PKN2: variants seen among roughly 807,000 people sequenced by gnomAD.
PKN2 encodes protein kinase N2.
A neutral mutation model predicts 119.1 loss-of-function variants in PKN2; 38 were observed. The observed-to-expected ratio is 0.32, with a 90% confidence interval of 0.25 to 0.42. The LOEUF is 0.42. Among genes scored for constraint, PKN2 ranks in the 10% least tolerant of loss-of-function variants. The probability of loss-of-function intolerance (pLI) is 1.00; values close to 1 mark genes in which losing one functional copy is unlikely to be tolerated. For synonymous variants in PKN2, 390 were observed against 384.9 expected, an observed-to-expected ratio of 1.01 and a Z score of -0.15; for missense variants, 850 against 1,165.1, an observed-to-expected ratio of 0.73 and a Z score of 3.94.
chr1:88,834,972 T>C lies in PKN2; in HGVS notation c.*1524T>C, dbSNP rs1410628142. The C allele has an allele frequency of 6.6e-6, 1 of 152,480 alleles. No homozygotes were observed. Among genetic ancestry groups the C allele is most frequent in the Non-Finnish European group, 1.5e-5 (1 of 67,932 alleles). 9.4% of individuals were successfully genotyped at this position (152,480 alleles called of 1,614,324 possible). A position where few individuals can be genotyped will look rare whatever the true frequency, so the allele number is the denominator to read the frequency against. ...TAAGTAACCATACTGAATTAACTAT[T>C]TAATTACAGTGAGCTCATCTCTTAA... On this transcript the variant is annotated 3_prime_UTR_variant, in exon 22 of 22. Coordinates refer to ENST00000370521, the MANE Select transcript of PKN2 (RefSeq NM_006256.4).
chr1:88,831,191 G>T (rs11800421), intron 19 of PKN2, among the ~76,000 whole-genome samples: 16,915 of 151,734 alleles, frequency 0.11, 1,954 homozygotes, highest in African/African-American at 0.3. Flanking sequence ...TAAATGTGCT[G>T]AAAACACATT....
intron 8 of PKN2, among the ~76,000 whole-genome samples, chr1:88,797,760 G>C (rs1671149450): frequency 6.6e-6 from 1 of 151,962 alleles, no homozygotes; most frequent in South Asian, 2.1e-4. Context: ...CTACAACATA[G>C]TGTAGACATT....
intron 3 of PKN2, among the ~76,000 whole-genome samples, chr1:88,763,426 G>A (rs1187499425): frequency 1.3e-5 from 2 of 152,032 alleles, no homozygotes; most frequent in African/African-American, 2.4e-5. Context: ...TGACCAACAT[G>A]GAGAAATCCT....
intron 17 of PKN2, among the ~76,000 whole-genome samples, chr1:88,822,515 G>C (rs981453733): frequency 6.6e-6 from 1 of 151,796 alleles, no homozygotes; most frequent in African/African-American, 2.4e-5. Context: ...TCACTGCCCA[G>C]GACCAAGCAG....
rs59613754 is a variant in PKN2, at chr1:88,700,949, T to C, written c.48+16321T>C. Among the ~76,000 whole-genome samples, 653 of 152,304 alleles carry C rather than the reference T, an allele frequency of 4.3e-3. 2 individuals carry two copies. The highest frequency in any genetic ancestry group is 0.015 in the African/African-American group (615 of 41,554). ...TATTTATGAGGGAGCAGAACTGCAG[T>C]ATATCATTTTTCCCTTGGTAGGTAC... is the stretch of plus-strand genomic sequence containing the variant. On this transcript the variant is annotated intron_variant, in intron 1 of 21. Coordinates refer to ENST00000370521, the MANE Select transcript of PKN2 (RefSeq NM_006256.4).
chr1:88,754,460 T>A (rs1669125816), intron 2 of PKN2, among the ~76,000 whole-genome samples: 1 of 152,214 alleles, frequency 6.6e-6, no homozygotes, highest in South Asian at 2.1e-4. Flanking sequence ...GGGACGAAAG[T>A]ATACTTTGAA....
At chr1:88,758,038 C>CAAAAAAAAAAAAAAAAAAAAAAAAAAAA (rs33914457) in intron 2 of PKN2, among the ~76,000 whole-genome samples, 1 of 59,070 alleles carries the variant, frequency 1.7e-5, no homozygotes, top group Non-Finnish European at 3.0e-5. Context: ...GAGACTATCT[C>CAAAAAAAAAAAAAAAAAAAAAAAAAAAA]AAAAAAAAAA....
At chr1:88,746,767 A>C (rs1034290666) in intron 2 of PKN2, among the ~76,000 whole-genome samples, 1 of 152,168 alleles carries the variant, frequency 6.6e-6, no homozygotes, top group African/African-American at 2.4e-5. Context: ...TATATATTCA[A>C]AGAAATTTAA....
At chr1:88,792,541 A>G (rs1009692917) in intron 8 of PKN2, among the ~76,000 whole-genome samples, 19 of 152,188 alleles carry the variant, frequency 1.2e-4, no homozygotes, top group Non-Finnish European at 2.5e-4. Context: ...TTTCCAACCC[A>G]TGTACTCGAA....
chr1:88,735,304 A>T (rs1007305929), intron 1 of PKN2, among the ~76,000 whole-genome samples: 3 of 152,022 alleles, frequency 2.0e-5, no homozygotes, highest in African/African-American at 7.2e-5. Flanking sequence ...GACTACAGCC[A>T]CACGCCACCA....
chr1:88,783,360 G>A (rs545354492), intron 6 of PKN2, among the ~76,000 whole-genome samples: 40 of 152,298 alleles, frequency 2.6e-4, no homozygotes, highest in Middle Eastern at 3.4e-3. Context: ...CCTGCACTGT[G>A]TCCTAGAAAC....
chr1:88,706,375 T>G (rs1048144702), intron 1 of PKN2, among the ~76,000 whole-genome samples: 2 of 152,170 alleles, frequency 1.3e-5, no homozygotes. Context: ...TTCTGGTAGC[T>G]TTTTTGTAGT....
At chr1:88,800,352 C>T (rs1371329748) in intron 8 of PKN2, among the ~76,000 whole-genome samples, 2 of 152,138 alleles carry the variant, frequency 1.3e-5, no homozygotes, top group African/African-American at 4.8e-5. Flanking sequence ...TACATGATTA[C>T]AATTAACTAA....
chr1:88,770,624 C>G lies in PKN2; in HGVS notation c.622+155C>G, dbSNP rs537654590. ...TTTTTGAGACGGAGTCTCGCTCTGT[C>G]GCCCAGGCTGGAGTGCAGTGGCGGG... is the stretch of plus-strand genomic sequence containing the variant. On this transcript the variant is annotated intron_variant, in intron 4 of 21. Coordinates refer to ENST00000370521, the MANE Select transcript of PKN2 (RefSeq NM_006256.4). 9.5e-3 allele frequency among the ~76,000 whole-genome samples: 1,375 copies of G among 145,220 alleles called. 18 individuals are homozygous for G. Among genetic ancestry groups the G allele is most frequent in the Admixed American group, 0.01 (150 of 14,382 alleles).
At chr1:88,761,918 C>G (rs1669460997) in intron 3 of PKN2, among the ~76,000 whole-genome samples, 2 of 151,502 alleles carry the variant, frequency 1.3e-5, no homozygotes, top group Admixed American at 1.3e-4. Context: ...TTATTTTGAC[C>G]TTTTTTTTAA....
chr1:88,772,401 G>A (rs955866095), intron 6 of PKN2, among the ~76,000 whole-genome samples: 1 of 152,178 alleles, frequency 6.6e-6, no homozygotes, highest in Admixed American at 6.5e-5. Flanking sequence ...CACCCAACAT[G>A]ATGCTCAAAG....
At chr1:88,796,356 C>T (rs1381127741) in intron 8 of PKN2, among the ~76,000 whole-genome samples, 1 of 152,010 alleles carries the variant, frequency 6.6e-6, no homozygotes, top group Non-Finnish European at 1.5e-5. Context: ...CCCTACCCCT[C>T]CTTACACCGA....
chr1:88,804,704 C>G (rs56291146), intron 9 of PKN2, 142 bp from the exon 10 acceptor site: 320 of 748,984 alleles, frequency 4.3e-4, no homozygotes, highest in Non-Finnish European at 6.5e-4. Flanking sequence ...AATTATTCTT[C>G]CTATGTCTGT....
At chr1:88,698,212 A>G (rs1429865245) in intron 1 of PKN2, among the ~76,000 whole-genome samples, 1 of 152,090 alleles carries the variant, frequency 6.6e-6, no homozygotes, top group South Asian at 2.1e-4. Context: ...GGCTAGCCAT[A>G]TAAACTAGAA....
Sources: allele counts gnomAD v4.1 joint callset (sites outside exome capture counted in the v4.1 genomes callset), GRCh38; gene constraint gnomAD v4.1.1; transcripts MANE v1.5; gene names NCBI Gene and HGNC (gene_info 2026-07-23, HGNC 2026-07-21).